The following GPR158 variants were observed in gnomAD, a reference collection of about 807,000 sequenced individuals.
GPR158 encodes G protein-coupled receptor 158, also known as metabotropic glycine receptor.
Under a neutral mutation model 78.2 loss-of-function variants are expected in GPR158, and 30 were observed. The observed-to-expected ratio is 0.38, with a 90% CI of 0.29 to 0.52. The LOEUF (loss-of-function observed/expected upper bound fraction) is 0.52, where lower values mean the gene tolerates loss of function less well. Among genes scored for constraint, GPR158 ranks in the 20% least tolerant of loss-of-function variants. The pLI, the probability that GPR158 is intolerant of heterozygous loss-of-function variation, is 0.83. For synonymous variants in GPR158, 581 were observed against 591.1 expected, an observed-to-expected ratio of 0.98 and a Z score of 0.25; for missense variants, 1,463 against 1,523.5, an observed-to-expected ratio of 0.96 and a Z score of 0.66.
chr10:25,484,596 T>C (rs1835707413), intron 5 of GPR158, among the ~76,000 whole-genome samples: 1 of 152,134 alleles, frequency 6.6e-6, no homozygotes, highest in Non-Finnish European at 1.5e-5. Context: ...ACAGTTTGAG[T>C]CGAAAGATAA....
intron 2 of GPR158, among the ~76,000 whole-genome samples, chr10:25,366,848 A>G (rs1329260): frequency 0.085 from 12,313 of 145,206 alleles, 564 homozygotes; most frequent in South Asian, 0.22. Flanking sequence ...ACCTTTCTAT[A>G]TGTTTATTAA....
rs138585637 is a variant in GPR158, at chr10:25,573,602, A to G, written c.1753+715A>G. Among the ~76,000 whole-genome samples, 1,151 of 152,358 alleles carry G rather than the reference A, an allele frequency of 7.6e-3. 12 individuals are homozygous for G. Among genetic ancestry groups the G allele is most frequent in the African/African-American group, 0.025 (1,039 of 41,592 alleles). On this transcript the variant is annotated intron_variant, in intron 7 of 10. Coordinates refer to ENST00000376351, the MANE Select transcript of GPR158 (RefSeq NM_020752.3). Reference sequence around the variant, plus strand: ...ATTTTTCTGTTGCTCATATTAGTCTATTTTAAACTACGTCCCTAAACATAC... The same window carrying G: ...ATTTTTCTGTTGCTCATATTAGTCTGTTTTAAACTACGTCCCTAAACATAC...
At chr10:25,343,113 A>C (rs867021018) in intron 2 of GPR158, among the ~76,000 whole-genome samples, 1 of 152,144 alleles carries the variant, frequency 6.6e-6, no homozygotes, top group East Asian at 1.9e-4. Flanking sequence ...GATGAGCTTA[A>C]GATGTCTTAT....
At chr10:25,180,520 C>T (rs981183080) in intron 1 of GPR158, among the ~76,000 whole-genome samples, 9 of 152,102 alleles carry the variant, frequency 5.9e-5, no homozygotes, top group African/African-American at 2.2e-4. Context: ...ATATACTTTG[C>T]CCAAACCAGT....
intron 2 of GPR158, among the ~76,000 whole-genome samples, chr10:25,394,537 C>T (rs1027375762): frequency 3.3e-5 from 5 of 152,120 alleles, no homozygotes; most frequent in Admixed American, 6.5e-5. Flanking sequence ...ATGCATGCTG[C>T]GGTTATTTCC....
chr10:25,381,834 AAAAC>A (rs1315528509), intron 2 of GPR158, among the ~76,000 whole-genome samples: 19 of 152,374 alleles, frequency 1.2e-4, no homozygotes, highest in South Asian at 4.1e-4. Flanking sequence ...GGACTACTCA[AAAAC>A]AAACAAATCA....
chr10:25,512,425 C>A (rs1005955258), intron 5 of GPR158, among the ~76,000 whole-genome samples: 4 of 152,100 alleles, frequency 2.6e-5, no homozygotes, highest in African/African-American at 9.7e-5. Context: ...GTTCGAGGAG[C>A]TTTTTGGATG....
chr10:25,294,588 A>G (rs1036768885), intron 2 of GPR158, among the ~76,000 whole-genome samples: 3 of 151,706 alleles, frequency 2.0e-5, no homozygotes, highest in Admixed American at 6.6e-5. Context: ...GAAATACACC[A>G]TTACAGGTGA....
At chr10:25,247,812 G>A (rs1339484030) in intron 2 of GPR158, among the ~76,000 whole-genome samples, 1 of 148,980 alleles carries the variant, frequency 6.7e-6, no homozygotes, top group East Asian at 2.0e-4. Flanking sequence ...ATGATTTATA[G>A]TCCTTTGGGT....
intron 1 of GPR158, among the ~76,000 whole-genome samples, chr10:25,197,278 C>T (rs1852856268): frequency 6.6e-6 from 1 of 152,002 alleles, no homozygotes; most frequent in South Asian, 2.1e-4. Context: ...TCTTTGTGTC[C>T]CAAATTTCTT....
intron 2 of GPR158, among the ~76,000 whole-genome samples, chr10:25,302,077 T>C (rs199869542): frequency 1.4e-5 from 2 of 140,498 alleles, no homozygotes; most frequent in African/African-American, 5.7e-5. Context: ...CTTTTTTTTT[T>C]TTTTTTTTTC....
At chr10:25,494,961 C>T (rs891305295) in intron 5 of GPR158, among the ~76,000 whole-genome samples, 6 of 152,080 alleles carry the variant, frequency 3.9e-5, no homozygotes, top group African/African-American at 1.4e-4. Context: ...CTCCAGAGCA[C>T]ACGTCCCATA....
At chr10:25,540,492 C>G (rs1265484238) in intron 5 of GPR158, among the ~76,000 whole-genome samples, 2 of 152,130 alleles carry the variant, frequency 1.3e-5, no homozygotes, top group African/African-American at 4.8e-5. Context: ...CACATGCATA[C>G]GTATGTTTAT....
chr10:25,441,887 A>T (rs188398005), intron 4 of GPR158, among the ~76,000 whole-genome samples: 81 of 152,318 alleles, frequency 5.3e-4, no homozygotes, highest in African/African-American at 1.8e-3. Context: ...GAGAAATGAA[A>T]CCAAGTGAAG....
intron 5 of GPR158, among the ~76,000 whole-genome samples, chr10:25,484,969 C>T (rs1035121116): frequency 3.9e-5 from 6 of 151,992 alleles, no homozygotes; most frequent in African/African-American, 1.4e-4. Context: ...GGGAAACGTG[C>T]TCAGAATTGT....
chr10:25,212,791 C>T (rs1444220732), intron 1 of GPR158, among the ~76,000 whole-genome samples: 1 of 151,888 alleles, frequency 6.6e-6, no homozygotes, highest in Non-Finnish European at 1.5e-5. Context: ...GCCACCATGT[C>T]CAGCTAATTT....
At chr10:25,366,072 G>T (rs974439105) in intron 2 of GPR158, among the ~76,000 whole-genome samples, 1 of 151,486 alleles carries the variant, frequency 6.6e-6, no homozygotes. Context: ...TTTTATTGTT[G>T]TATAGTATGT....
At chr10:25,220,947 T>G in intron 1 of GPR158, 105 bp from the exon 2 acceptor site, 1 of 687,802 alleles carries the variant, frequency 1.5e-6, no homozygotes, top group Non-Finnish European at 2.4e-6. Flanking sequence ...AATTTGACAA[T>G]TTTTGGCATG....
intron 2 of GPR158, among the ~76,000 whole-genome samples, chr10:25,331,307 T>C (rs768782664): frequency 2.0e-5 from 3 of 152,204 alleles, no homozygotes; most frequent in African/African-American, 4.8e-5. Flanking sequence ...TGCTTTCATA[T>C]CTGCCACTGG....
Sources: gnomAD v4.1 joint callset for allele counts (sites outside exome capture counted in the v4.1 genomes callset) on GRCh38, gnomAD v4.1.1 for gene constraint, MANE v1.5 for transcripts, NCBI Gene and HGNC (gene_info 2026-07-23, HGNC 2026-07-21) for gene names.